MTPAP: variants seen among roughly 807,000 people sequenced by gnomAD.
MTPAP encodes poly(A) RNA polymerase, mitochondrial.
A neutral mutation model predicts 48.7 loss-of-function variants in MTPAP; 23 were observed. The observed-to-expected ratio is 0.47, with a 90% confidence interval of 0.34 to 0.67. MTPAP has a LOEUF of 0.67. Ranked by LOEUF, MTPAP falls within the 30% of genes least tolerant of loss-of-function variation. MTPAP has a pLI of 0.01. For missense variants in MTPAP, 614 were observed against 694.3 expected (o/e 0.88, Z 1.30); for synonymous variants, 257 against 254.1 (o/e 1.01, Z -0.11).
chr10:30,333,659 A>G (rs1466246686), intron 4 of MTPAP, among the ~76,000 whole-genome samples: 1 of 152,180 alleles, frequency 6.6e-6, no homozygotes, highest in Non-Finnish European at 1.5e-5. Flanking sequence ...TAATCCCTAT[A>G]ATCGTAGCAC....
chr10:30,337,007 A>T lies in MTPAP; in HGVS notation c.576T>A (p.Thr192=), dbSNP rs978270831. ...YAESIDDQLN[T]LLKEFQLTEE... ...CTGTTAGCTGGAACTCCTTCAAGAG[A>T]GTGTTCAGCTGATCGTCTATCTAGC... The change falls in exon 4 of 9, where the codon ACT becomes ACA. Residue 192 remains threonine (T), a synonymous_variant. Transcript: ENST00000263063. The T allele has an allele frequency of 6.2e-7, 1 of 1,613,100 alleles. No homozygotes were observed. The highest frequency in any genetic ancestry group is 8.5e-7 in the Non-Finnish European group (1 of 1,179,818).
chr10:30,340,134 A>G, intron 3 of MTPAP, 92 bp downstream of exon 3: 3 of 1,105,710 alleles, frequency 2.7e-6, no homozygotes, highest in South Asian at 2.7e-5. Context: ...ATACCCATTA[A>G]ACAATAATGT....
chr10:30,346,154 G>A (rs1834871623), intron 1 of MTPAP, among the ~76,000 whole-genome samples: 1 of 152,026 alleles, frequency 6.6e-6, no homozygotes. Context: ...TATAAAAGAG[G>A]CCTGAAAGTC....
In MTPAP at chr10:30,322,512, T is replaced by C. The variant is rs375277572; in HGVS notation, c.1098A>G (p.Leu366=). ...TCCATGCACCAGGAATACTACTTGT[T>C]AGTGAATGTGCTCGAGCCCAGCACC... ...SVRCWARAHS[L]TSSIPGAWIT... The change falls in exon 6 of 9, where the codon CTA becomes CTG. Residue 366 remains leucine (L), a synonymous_variant. Coordinates refer to ENST00000263063, the MANE Select transcript of MTPAP (RefSeq NM_018109.4). 74 of 1,613,824 alleles carry C rather than the reference T, an allele frequency of 4.6e-5. No homozygotes were observed. Among genetic ancestry groups the C allele is most frequent in the Admixed American group, 1.5e-4 (9 of 59,994 alleles).
intron 6 of MTPAP, among the ~76,000 whole-genome samples, chr10:30,318,582 G>C (rs1034762071): frequency 4.6e-5 from 7 of 152,114 alleles, no homozygotes; most frequent in Non-Finnish European, 5.9e-5. Flanking sequence ...AAGTAGCAAA[G>C]CCAGAAAGCA....
intron 3 of MTPAP, among the ~76,000 whole-genome samples, chr10:30,337,465 G>A (rs900599761): frequency 6.6e-6 from 1 of 152,096 alleles, no homozygotes; most frequent in Non-Finnish European, 1.5e-5. Flanking sequence ...AAGGCCAGGC[G>A]CGGTGGCTCA....
chr10:30,316,296 G>GT, intron 6 of MTPAP, 86 bp from the exon 7 acceptor site: 1 of 1,037,288 alleles, frequency 9.6e-7, no homozygotes. Context: ...AGGCTGGAGT[G>GT]TAGCGGCATG....
At chr10:30,314,901 A>AAAG (rs1348836799) in intron 8 of MTPAP, among the ~76,000 whole-genome samples, 1 of 147,012 alleles carries the variant, frequency 6.8e-6, no homozygotes, top group East Asian at 1.9e-4. Context: ...AAAAAAAAAA[A>AAAG]AAAAGAAGAG....
intron 3 of MTPAP, chr10:30,340,011 TGAC>T: frequency 3.5e-6 from 2 of 576,586 alleles, no homozygotes; most frequent in Admixed American, 3.0e-5. Flanking sequence ...GTGTTGAGCA[TGAC>T]GACATTCTTA....
chr10:30,337,249 A>G (rs1440414804), intron 3 of MTPAP, among the ~76,000 whole-genome samples: 1 of 152,046 alleles, frequency 6.6e-6, no homozygotes, highest in African/African-American at 2.4e-5. Context: ...ACATGGAGAA[A>G]CCCAATCTCT....
intron 1 of MTPAP, among the ~76,000 whole-genome samples, chr10:30,347,710 G>T (rs1383888045): frequency 6.6e-6 from 1 of 152,168 alleles, no homozygotes; most frequent in Non-Finnish European, 1.5e-5. Context: ...GGCCAACATG[G>T]TGAAACCCCA....
intron 4 of MTPAP, among the ~76,000 whole-genome samples, chr10:30,331,166 G>A (rs1448267748): frequency 6.6e-6 from 1 of 152,150 alleles, no homozygotes; most frequent in Non-Finnish European, 1.5e-5. Flanking sequence ...AAAAATGACT[G>A]TCCTCTATTA....
chr10:30,335,926 C>T (rs1365139180), intron 4 of MTPAP, among the ~76,000 whole-genome samples: 1 of 151,956 alleles, frequency 6.6e-6, no homozygotes, highest in Non-Finnish European at 1.5e-5. Context: ...GGAGAAATCA[C>T]TTGAACCCGG....
intron 4 of MTPAP, among the ~76,000 whole-genome samples, chr10:30,335,886 G>A (rs528242786): frequency 6.6e-6 from 1 of 152,252 alleles, no homozygotes; most frequent in East Asian, 1.9e-4. Flanking sequence ...GCAGGCGCCT[G>A]TAATCCCAGC....
In MTPAP at chr10:30,326,546, C is replaced by T. The variant is rs1463074718; in HGVS notation, c.870G>A (p.Glu290=). ...ATQKILSVLG[E]CLDHFGPGCV... is the part of the protein sequence containing the mutation. The stretch of plus-strand genomic sequence containing the variant: ...AGCCAGGGCCAAAGTGGTCAAGGCA[C>T]TCTCCTAACACAGACAGGATCTTCT... Residue 290 remains glutamate (E), a synonymous_variant, in exon 5 of 9, where the codon GAG becomes GAA. Transcript: ENST00000263063. 1 of 1,614,156 alleles carries T rather than the reference C, an allele frequency of 6.2e-7. No homozygotes were observed.
chr10:30,330,630 G>A (rs1834654431), intron 4 of MTPAP, among the ~76,000 whole-genome samples: 1 of 152,206 alleles, frequency 6.6e-6, no homozygotes, highest in East Asian at 1.9e-4. Flanking sequence ...TGAACCATGA[G>A]CAGGAGTGTG....
intron 1 of MTPAP, among the ~76,000 whole-genome samples, chr10:30,345,213 T>G (rs1045893964): frequency 3.9e-5 from 6 of 152,220 alleles, no homozygotes; most frequent in African/African-American, 1.4e-4. Context: ...CTGTAAGATA[T>G]TTAATATATT....
At chr10:30,345,057 T>A (rs1203439181) in intron 1 of MTPAP, among the ~76,000 whole-genome samples, 1 of 152,164 alleles carries the variant, frequency 6.6e-6, no homozygotes. Flanking sequence ...CCAGTCCTCT[T>A]ACCCTAACAG....
At chr10:30,320,322 CA>C (rs922604168) in intron 6 of MTPAP, among the ~76,000 whole-genome samples, 1 of 152,192 alleles carries the variant, frequency 6.6e-6, no homozygotes, top group Admixed American at 6.5e-5. Context: ...GAGCCCAGTT[CA>C]AGTCCAGTCT....
Sources: allele counts gnomAD v4.1 joint callset (sites outside exome capture counted in the v4.1 genomes callset), GRCh38; gene constraint gnomAD v4.1.1; transcripts MANE v1.5; gene names NCBI Gene and HGNC (gene_info 2026-07-23, HGNC 2026-07-21).